Variants in EML4 observed in about 807,000 individuals in gnomAD.
EML4 encodes echinoderm microtubule-associated protein-like 4.
A neutral mutation model predicts 129.0 loss-of-function variants in EML4; 72 were observed. That is an observed-to-expected ratio of 0.56 (90% CI 0.46 to 0.68). The LOEUF (loss-of-function observed/expected upper bound fraction) is 0.68. Ranked by LOEUF, EML4 falls within the 30% of genes least tolerant of loss-of-function variation. EML4 has a pLI of 0.00. For synonymous variants in EML4, 532 were observed against 405.0 expected, an observed-to-expected ratio of 1.31 and a Z score of -3.77; for missense variants, 1,363 against 1,190.6, an observed-to-expected ratio of 1.14 and a Z score of -2.13.
rs151148016 is a variant in EML4 at position 42,301,997 on chromosome 2, G to A, written c.1641+605G>A. 2.0e-3 allele frequency among the ~76,000 whole-genome samples: 301 copies of A among 151,868 alleles called. 1 individual carries two copies. The highest frequency in any genetic ancestry group is 6.9e-3 in the African/African-American group (286 of 41,428). ...AGAGTTCAGTTATTTGTATTTTTAG[G>A]AGTAATTTTAGATCCCACTTGATAA... On this transcript the variant is annotated intron_variant, in intron 14 of 22. Transcript: ENST00000318522.
intron 1 of EML4, among the ~76,000 whole-genome samples, chr2:42,228,532 TA>T (rs1480457241): frequency 2.0e-5 from 3 of 152,272 alleles, no homozygotes; most frequent in Non-Finnish European, 4.4e-5. Flanking sequence ...TGTAGTCTTA[TA>T]ATTCAGAAGG....
At chr2:42,245,397 G>T (rs1675332164) in intron 1 of EML4, 108 bp from the exon 2 acceptor site, 1 of 1,117,786 alleles carries the variant, frequency 8.9e-7, no homozygotes, top group South Asian at 1.6e-5. Context: ...CACCTAGCCA[G>T]AATTTTTCTC....
At chr2:42,239,822 A>C (rs1674904515) in intron 1 of EML4, among the ~76,000 whole-genome samples, 1 of 152,100 alleles carries the variant, frequency 6.6e-6, no homozygotes, top group South Asian at 2.1e-4. Flanking sequence ...AAGAAAAGGG[A>C]ATGTTAATAG....
At chr2:42,254,884 C>A (rs1055701965) in intron 2 of EML4, among the ~76,000 whole-genome samples, 1 of 151,898 alleles carries the variant, frequency 6.6e-6, no homozygotes, top group Non-Finnish European at 1.5e-5. Flanking sequence ...TGGAAACAAT[C>A]CAGATGATCA....
chr2:42,250,625 C>T (rs1010729883), intron 2 of EML4, among the ~76,000 whole-genome samples: 2 of 152,010 alleles, frequency 1.3e-5, no homozygotes, highest in Non-Finnish European at 2.9e-5. Flanking sequence ...CTTGCACAAA[C>T]CTAGATGGTA....
intron 2 of EML4, among the ~76,000 whole-genome samples, chr2:42,246,199 G>C (rs1285738019): frequency 2.0e-5 from 3 of 152,116 alleles, no homozygotes; most frequent in African/African-American, 4.8e-5. Context: ...CCAGTATTGG[G>C]AGTTTTCAAG....
At chr2:42,282,415 C>T (rs1040401069) in intron 7 of EML4, among the ~76,000 whole-genome samples, 1 of 151,786 alleles carries the variant, frequency 6.6e-6, no homozygotes, top group Non-Finnish European at 1.5e-5. Context: ...TGGGCGGCAA[C>T]AGGGTCTCTG....
At chr2:42,313,090 A>G (rs918130540) in intron 17 of EML4, among the ~76,000 whole-genome samples, 44 of 151,372 alleles carry the variant, frequency 2.9e-4, no homozygotes, top group African/African-American at 1.0e-3. Flanking sequence ...CTGGGACTAC[A>G]GGCGCCTGCT....
At chr2:42,192,139 C>T (rs1393557492) in intron 1 of EML4, among the ~76,000 whole-genome samples, 2 of 150,906 alleles carry the variant, frequency 1.3e-5, no homozygotes, top group East Asian at 1.9e-4. Context: ...AAAAAAAATC[C>T]CTAGTTTTGA....
chr2:42,231,384 G>T (rs1274467962), intron 1 of EML4, among the ~76,000 whole-genome samples: 1 of 152,146 alleles, frequency 6.6e-6, no homozygotes, highest in Non-Finnish European at 1.5e-5. Context: ...GCTCCGAAGT[G>T]TAATCTCTAA....
intron 1 of EML4, among the ~76,000 whole-genome samples, chr2:42,200,319 C>G (rs917854722): frequency 6.6e-6 from 1 of 152,030 alleles, no homozygotes; most frequent in South Asian, 2.1e-4. Flanking sequence ...AACAAGACTA[C>G]GCCTCAAAAA....
rs1272036091 is a variant in EML4 at position 42,331,146 on chromosome 2, G to A, written c.*939G>A. The A allele has an allele frequency of 4.6e-6, 1 of 218,796 alleles. No homozygotes were observed. The highest frequency in any genetic ancestry group is 9.2e-6 in the Non-Finnish European group (1 of 108,878). The allele number at this position is 218,796 out of a possible 1,614,324, so 13.6% of individuals were successfully genotyped here. A position where few individuals can be genotyped will look rare whatever the true frequency, so the allele number is the denominator to read the frequency against. ...GAGAAATATAAATACAGTAAGTTTA[G>A]ATTATTGAATTGGTGCTTGAAATTT... On this transcript the variant is annotated 3_prime_UTR_variant, in exon 23 of 23. Transcript: ENST00000318522.
chr2:42,175,801 ATAT>A (rs1558474006), intron 1 of EML4, among the ~76,000 whole-genome samples: 1 of 152,216 alleles, frequency 6.6e-6, no homozygotes, highest in African/African-American at 2.4e-5. Context: ...GCCCAGCATC[ATAT>A]TATTTTTAAA....
intron 6 of EML4, among the ~76,000 whole-genome samples, chr2:42,277,086 C>T (rs1055928377): frequency 2.0e-5 from 3 of 152,052 alleles, no homozygotes; most frequent in African/African-American, 7.2e-5. Context: ...CACTAACCCT[C>T]CCCCTTTGCT....
intron 4 of EML4, among the ~76,000 whole-genome samples, chr2:42,261,912 A>T (rs1159742947): frequency 1.3e-5 from 2 of 152,204 alleles, no homozygotes; most frequent in South Asian, 2.1e-4. Context: ...GAAATATTCT[A>T]ACAATGTGTG....
At chr2:42,319,932 C>G (rs1313484030) in intron 19 of EML4, 1 of 152,150 alleles carries the variant, frequency 6.6e-6, no homozygotes, top group Non-Finnish European at 1.5e-5. Context: ...TATGATATCT[C>G]TAATTAAATG....
At chr2:42,282,998 T>G (rs778525121) in intron 8 of EML4, 26 bp downstream of exon 8, 6 of 1,556,824 alleles carry the variant, frequency 3.9e-6, no homozygotes, top group Middle Eastern at 1.7e-4. Flanking sequence ...CATTGGTTCA[T>G]TTTTGTTCTT....
intron 2 of EML4, among the ~76,000 whole-genome samples, chr2:42,250,170 T>C (rs1181749305): frequency 6.6e-6 from 1 of 152,218 alleles, no homozygotes; most frequent in Non-Finnish European, 1.5e-5. Flanking sequence ...CAGTCAGTCA[T>C]GTAAACCAGG....
intron 10 of EML4, among the ~76,000 whole-genome samples, chr2:42,287,312 G>A (rs1667363057): frequency 6.6e-6 from 1 of 152,100 alleles, no homozygotes; most frequent in African/African-American, 2.4e-5. Flanking sequence ...GAGATAAGAG[G>A]TCATAAAGGC....
Sources: allele counts gnomAD v4.1 joint callset (sites outside exome capture counted in the v4.1 genomes callset), GRCh38; gene constraint gnomAD v4.1.1; transcripts MANE v1.5; gene names NCBI Gene and HGNC (gene_info 2026-07-23, HGNC 2026-07-21).